ACSM1: variants seen among roughly 807,000 people sequenced by gnomAD.
The protein encoded by ACSM1 is acyl-coenzyme A synthetase ACSM1, mitochondrial.
Under a neutral mutation model 75.8 loss-of-function variants are expected in ACSM1, and 79 were observed. The ratio of observed to expected loss-of-function variants is 1.04; its 90% CI spans 0.87 to 1.26. The LOEUF (loss-of-function observed/expected upper bound fraction) is 1.26, where lower values mean the gene tolerates loss of function less well. Ranked by LOEUF, ACSM1 falls within the 50% of genes most tolerant of loss-of-function variation. The pLI is 0.00. For synonymous variants in ACSM1, 279 were observed against 265.8 expected (o/e 1.05, Z -0.48); for missense variants, 676 against 720.1 (o/e 0.94, Z 0.70).
intron 7 of ACSM1, among the ~76,000 whole-genome samples, chr16:20,653,229 A>T (rs2018751149): frequency 6.6e-6 from 1 of 152,220 alleles, no homozygotes; most frequent in Admixed American, 6.5e-5. Context: ...ACTCTCAATA[A>T]ATTAGGTATT....
At chr16:20,626,386 A>T (rs993068065) in intron 11 of ACSM1, among the ~76,000 whole-genome samples, 5 of 152,122 alleles carry the variant, frequency 3.3e-5, no homozygotes, top group Non-Finnish European at 5.9e-5. Context: ...ATAAAAAAAT[A>T]AAAATGCCAT....
intron 4 of ACSM1, among the ~76,000 whole-genome samples, chr16:20,678,225 T>C (rs2079352914): frequency 6.6e-6 from 1 of 151,862 alleles, no homozygotes; most frequent in Admixed American, 6.6e-5. Context: ...AGTGGGAGGC[T>C]AGCCATCCCT....
chr16:20,640,500 C>T lies in ACSM1; in HGVS notation c.1077G>A (p.Thr359=), dbSNP rs141054663. The T allele has an allele frequency of 5.0e-6, 8 of 1,614,042 alleles. No homozygotes were observed. The Admixed American group carries it at 6.7e-5, about 13-fold the overall frequency. Residue 359 remains threonine, a synonymous_variant, in exon 8 of 14, where the codon ACG becomes ACA. Transcript: ENST00000520010. ...CATAGTTCTCGTAGAGCAGAAGGCC[C>T]GTCCGTCTTTTCCACTCCTCCTGAT... The part of the protein sequence containing the change: ...PKDQEEWKRR[T]GLLLYENYGQ...
intron 2 of ACSM1, among the ~76,000 whole-genome samples, chr16:20,687,166 A>C (rs776545155): frequency 6.6e-6 from 1 of 152,060 alleles, no homozygotes; most frequent in Non-Finnish European, 1.5e-5. Flanking sequence ...CCTGACTTGC[A>C]GGTCAGATAG....
intron 10 of ACSM1, among the ~76,000 whole-genome samples, chr16:20,634,245 T>C (rs1363746050): frequency 6.6e-6 from 1 of 152,200 alleles, no homozygotes; most frequent in Non-Finnish European, 1.5e-5. Flanking sequence ...TTCTGGTGGG[T>C]ATATAAAATG....
At chr16:20,697,556 TACACACACACACACACACACACACAC>T (rs57633278) in intron 1 of ACSM1, 54 bp downstream of exon 1, 3 of 139,550 alleles carry the variant, frequency 2.1e-5, no homozygotes, top group Non-Finnish European at 3.1e-5. Flanking sequence ...AAAATTGGAT[TACACACACACACACACACACACACAC>T]ACACACACAC....
At chr16:20,649,208 C>A (rs969267956) in intron 7 of ACSM1, among the ~76,000 whole-genome samples, 4 of 151,188 alleles carry the variant, frequency 2.6e-5, no homozygotes, top group African/African-American at 9.8e-5. Context: ...TTAATCTTGC[C>A]CAAATTCCTA....
At chr16:20,656,201 T>C (rs2018949204) in intron 7 of ACSM1, among the ~76,000 whole-genome samples, 1 of 152,196 alleles carries the variant, frequency 6.6e-6, no homozygotes, top group African/African-American at 2.4e-5. Flanking sequence ...GCATGCCTGT[T>C]ATATCTCTAT....
intron 7 of ACSM1, among the ~76,000 whole-genome samples, chr16:20,650,551 A>G (rs1046808171): frequency 6.6e-6 from 1 of 151,966 alleles, no homozygotes; most frequent in African/African-American, 2.4e-5. Flanking sequence ...AGAAACCCAG[A>G]CACCTAGGAG....
Position 20,635,785 on chromosome 16 carries a change from G to A in ACSM1, c.1299+954C>T, listed in dbSNP as rs534419834. 1.7e-3 allele frequency among the ~76,000 whole-genome samples: 260 copies of A among 152,096 alleles called. 1 individual carries two copies. The highest frequency in any genetic ancestry group is 1.6e-3 in the Non-Finnish European group (110 of 67,976). On this transcript the variant is annotated intron_variant, in intron 10 of 13. Coordinates refer to ENST00000520010, the MANE Select transcript of ACSM1 (RefSeq NM_001318890.3). ...TTCCCAAGTAGCTGAAATTACAGGT[G>A]CATGCCACCATGCCCAGCTAATCTT...
chr16:20,640,103 G>A (rs2017962006), intron 8 of ACSM1, among the ~76,000 whole-genome samples: 1 of 152,132 alleles, frequency 6.6e-6, no homozygotes, highest in African/African-American at 2.4e-5. Flanking sequence ...CTGCTCACCT[G>A]AGACAAATAT....
chr16:20,671,131 G>A (rs1567294098), intron 5 of ACSM1, among the ~76,000 whole-genome samples: 1 of 151,960 alleles, frequency 6.6e-6, no homozygotes, highest in Non-Finnish European at 1.5e-5. Flanking sequence ...GGGGAGAGGT[G>A]AGGCTCTGTC....
At chr16:20,674,982 A>G (rs574918425) in intron 4 of ACSM1, among the ~76,000 whole-genome samples, 1 of 152,298 alleles carries the variant, frequency 6.6e-6, no homozygotes, top group East Asian at 1.9e-4. Flanking sequence ...TAACAAAGTG[A>G]AAGTGGTTCA....
At chr16:20,670,685 T>C (rs759419624) in intron 5 of ACSM1, among the ~76,000 whole-genome samples, 1 of 152,224 alleles carries the variant, frequency 6.6e-6, no homozygotes, top group Non-Finnish European at 1.5e-5. Context: ...GAGCACCAGA[T>C]ATTCCCAAGT....
rs1446000798 is a variant in ACSM1, at chr16:20,691,053, G to C, written c.136C>G (p.Pro46Ala). 1 of 1,613,604 alleles carries C rather than the reference G, an allele frequency of 6.2e-7. No individual in the cohort carries two copies. The highest frequency in any genetic ancestry group is 1.1e-5 in the South Asian group (1 of 90,936). Residue 46 changes from proline (P) to alanine (A), a missense_variant, in exon 2 of 14, where the codon CCG becomes GCG. Coordinates refer to ENST00000520010, the MANE Select transcript of ACSM1 (RefSeq NM_001318890.3). ...GAPRWNDYEV[P>A]EEFNFASYVL... The stretch of plus-strand genomic sequence containing the variant: ...TAACTTGCAAAGTTAAATTCCTCCG[G>C]TACTTCATAGTCATTCCATCTTGGG...
chr16:20,636,510 A>G (rs1484595228), intron 10 of ACSM1, among the ~76,000 whole-genome samples: 2 of 152,208 alleles, frequency 1.3e-5, no homozygotes. Flanking sequence ...TTGAAACCCA[A>G]GTCTGATGGT....
rs961814903 is a variant in ACSM1, at chr16:20,673,140, C to T, written c.612-1469G>A. 7.4e-5 allele frequency among the ~76,000 whole-genome samples: 11 copies of T among 148,818 alleles called. 1 individual carries two copies. In the East Asian group the frequency reaches 1.8e-3, roughly 24 times the overall value. ...ATATATATTATATATAAAATTACTG[C>T]GATCAATGTACCTCTGCCCTAGCAT... On this transcript the variant is annotated intron_variant, in intron 4 of 13. Transcript: ENST00000520010.
intron 4 of ACSM1, chr16:20,674,525 A>T (rs563612988): frequency 6.6e-6 from 1 of 152,086 alleles, no homozygotes; most frequent in Admixed American, 6.6e-5. Flanking sequence ...TATTAATCTG[A>T]CTGGGTTGGC....
At chr16:20,664,272 T>C (rs1248250783) in intron 6 of ACSM1, among the ~76,000 whole-genome samples, 1 of 151,922 alleles carries the variant, frequency 6.6e-6, no homozygotes, top group Non-Finnish European at 1.5e-5. Context: ...ATCTCACAAG[T>C]AATGATGCCC....
Sources: gnomAD v4.1 joint callset for allele counts (sites outside exome capture counted in the v4.1 genomes callset) on GRCh38, gnomAD v4.1.1 for gene constraint, MANE v1.5 for transcripts, NCBI Gene and HGNC (gene_info 2026-07-23, HGNC 2026-07-21) for gene names.